Variants in TENM4 observed in about 807,000 individuals in gnomAD.
TENM4 encodes the protein teneurin transmembrane protein 4, also known as teneurin-4.
In TENM4, 82 loss-of-function variants were observed where a neutral mutation model predicts 243.3. The observed-to-expected ratio is 0.34, with a 90% CI of 0.28 to 0.40. The LOEUF (loss-of-function observed/expected upper bound fraction) is 0.40, where lower values mean the gene tolerates loss of function less well. TENM4 is among the 10% of genes least tolerant of loss of function. The probability of loss-of-function intolerance (pLI) is 1.00; values close to 1 mark genes in which losing one functional copy is unlikely to be tolerated. For synonymous variants in TENM4, 1,412 were observed against 1,456.3 expected (o/e 0.97, Z 0.69); for missense variants, 3,138 against 3,673.3 (o/e 0.85, Z 3.77).
At chr11:79,286,778 T>C (rs1301606125) in intron 2 of TENM4, among the ~76,000 whole-genome samples, 1 of 152,242 alleles carries the variant, frequency 6.6e-6, no homozygotes, top group Non-Finnish European at 1.5e-5. Flanking sequence ...TCTAATTTTC[T>C]TTCATCTTCA....
At chr11:79,439,145 G>A (rs1355247704) in intron 1 of TENM4, 1 of 145,274 alleles carries the variant, frequency 6.9e-6, no homozygotes, top group Non-Finnish European at 1.5e-5. Context: ...CCACCCCGGC[G>A]ATTGGAATCC....
chr11:78,749,926 C>A (rs1186223167), intron 19 of TENM4, among the ~76,000 whole-genome samples: 2 of 152,162 alleles, frequency 1.3e-5, no homozygotes, highest in Non-Finnish European at 2.9e-5. Flanking sequence ...CCTCTTTCTC[C>A]CACATGCCCC....
In TENM4 at chr11:79,148,754, A is replaced by C; in HGVS notation, c.-110T>G. Reference sequence around the variant, plus strand: ...AAAGGGTCTAAGAATAGTCCTTCAAATAATCCTTGAAGTATGCAATTTTAA... The same window carrying C: ...AAAGGGTCTAAGAATAGTCCTTCAACTAATCCTTGAAGTATGCAATTTTAA... On this transcript the variant is annotated 5_prime_UTR_variant, in exon 4 of 34. It introduces an in-frame stop codon into an upstream open reading frame of the 5' UTR. Transcript: ENST00000278550. 1.0e-6 allele frequency: 1 copy of C among 983,266 alleles called. No homozygotes were observed. Among genetic ancestry groups the C allele is most frequent in the African/African-American group, 1.7e-5 (1 of 57,216 alleles). The allele number at this position is 983,266 out of a possible 1,614,324, so 60.9% of individuals were successfully genotyped here.
At chr11:79,207,088 G>T (rs1863863631) in intron 3 of TENM4, among the ~76,000 whole-genome samples, 3 of 152,292 alleles carry the variant, frequency 2.0e-5, no homozygotes, top group Middle Eastern at 3.4e-3. Flanking sequence ...GAGACTATCG[G>T]CTGTGGGACA....
At chr11:79,380,421 T>C (rs1037097614) in intron 1 of TENM4, among the ~76,000 whole-genome samples, 2 of 152,142 alleles carry the variant, frequency 1.3e-5, no homozygotes, top group South Asian at 2.1e-4. Context: ...GGTGGTATCA[T>C]GGGAGAATCT....
At chr11:79,416,620 C>A (rs1177888872) in intron 1 of TENM4, among the ~76,000 whole-genome samples, 1 of 152,092 alleles carries the variant, frequency 6.6e-6, no homozygotes, top group Non-Finnish European at 1.5e-5. Context: ...GGTTTACATG[C>A]ACTGTATCAT....
intron 32 of TENM4, among the ~76,000 whole-genome samples, chr11:78,666,888 T>A (rs1005670405): frequency 1.3e-5 from 2 of 152,204 alleles, no homozygotes; most frequent in Admixed American, 6.5e-5. Context: ...GGAGACCATA[T>A]GTATATGGTG....
chr11:79,067,440 C>T, intron 5 of TENM4, among the ~76,000 whole-genome samples: 1 of 152,208 alleles, frequency 6.6e-6, no homozygotes, highest in East Asian at 1.9e-4. Flanking sequence ...TCGGCCGGCC[C>T]TCTCAAAGAG....
chr11:78,868,828 G>T (rs1369661474), intron 9 of TENM4, among the ~76,000 whole-genome samples: 1 of 152,118 alleles, frequency 6.6e-6, no homozygotes, highest in African/African-American at 2.4e-5. Flanking sequence ...AGGAACTGTT[G>T]ATTCAAGTGG....
intron 4 of TENM4, among the ~76,000 whole-genome samples, chr11:79,082,040 C>T (rs999501942): frequency 2.0e-5 from 3 of 152,180 alleles, no homozygotes; most frequent in Admixed American, 2.0e-4. Flanking sequence ...GGATCATTAA[C>T]TTCATTGGTA....
In TENM4 at chr11:78,879,231, C is replaced by T. The variant is rs549913695; in HGVS notation, c.1084+10554G>A. 2.7e-3 allele frequency among the ~76,000 whole-genome samples: 407 copies of T among 148,924 alleles called. 2 individuals are homozygous for T. The highest frequency in any genetic ancestry group is 3.5e-3 in the Middle Eastern group (1 of 282). ...GAAGTGAGAAGCGCCTCTGCCCGGTCGCCCCGTCTGGGAGGTGAGGAGCGC... is the reference window on the plus strand; with the variant it reads ...GAAGTGAGAAGCGCCTCTGCCCGGTTGCCCCGTCTGGGAGGTGAGGAGCGC... On this transcript the variant is annotated intron_variant, in intron 9 of 33. Transcript: ENST00000278550.
chr11:79,054,535 G>C (rs1311630076), intron 6 of TENM4, among the ~76,000 whole-genome samples: 4 of 149,656 alleles, frequency 2.7e-5, no homozygotes, highest in Non-Finnish European at 5.9e-5. Context: ...GTCTTGTTCT[G>C]CTGCCCAGGC....
intron 9 of TENM4, among the ~76,000 whole-genome samples, chr11:78,865,953 G>A (rs1423634462): frequency 6.6e-6 from 1 of 152,224 alleles, no homozygotes; most frequent in Non-Finnish European, 1.5e-5. Flanking sequence ...ACACATGTGT[G>A]ATAACTATAC....
chr11:78,751,751 C>T (rs887893231), intron 19 of TENM4, among the ~76,000 whole-genome samples: 3 of 152,174 alleles, frequency 2.0e-5, no homozygotes, highest in African/African-American at 4.8e-5. Context: ...AGCTCTGGCT[C>T]GAGTGCTTGC....
intron 28 of TENM4, among the ~76,000 whole-genome samples, chr11:78,690,343 C>T (rs1858790500): frequency 6.6e-6 from 1 of 152,152 alleles, no homozygotes; most frequent in Non-Finnish European, 1.5e-5. Context: ...TCTTTTTAAC[C>T]ATTTGTGGCC....
intron 1 of TENM4, chr11:79,402,079 C>G (rs775403619): frequency 5.6e-5 from 24 of 428,444 alleles, no homozygotes; most frequent in Non-Finnish European, 5.1e-6. Context: ...CATTTACCCC[C>G]AGCTAGATTG....
chr11:79,321,664 A>AGG (rs199518954), intron 1 of TENM4, among the ~76,000 whole-genome samples: 14 of 131,580 alleles, frequency 1.1e-4, no homozygotes, highest in South Asian at 2.5e-4. Context: ...AAAAAAAAAA[A>AGG]GGGAGAGAGA....
At chr11:78,672,974 A>T (rs905568472) in intron 30 of TENM4, among the ~76,000 whole-genome samples, 3 of 151,938 alleles carry the variant, frequency 2.0e-5, no homozygotes, top group African/African-American at 7.3e-5. Flanking sequence ...TCAGTACCCA[A>T]GACATATTCT....
Position 78,656,860 on chromosome 11 carries a change from G to C in TENM4, c.*1198C>G, listed in dbSNP as rs955305282. The C allele has an allele frequency of 2.5e-6, 1 of 396,268 alleles. No homozygotes were observed. Among genetic ancestry groups the C allele is most frequent in the African/African-American group, 2.1e-5 (1 of 48,612 alleles). The allele number at this position is 396,268 out of a possible 1,614,324, so 24.5% of individuals were successfully genotyped here. ...TGCGATCAGCTGGTACATGGAGGCA[G>C]ATGGGACTTTGGGAACTGGTTAGAA... On this transcript the variant is annotated 3_prime_UTR_variant, in exon 34 of 34. Coordinates refer to ENST00000278550, the MANE Select transcript of TENM4 (RefSeq NM_001098816.3).
Sources: gnomAD v4.1 joint callset for allele counts (sites outside exome capture counted in the v4.1 genomes callset) on GRCh38, gnomAD v4.1.1 for gene constraint, MANE v1.5 for transcripts, NCBI Gene and HGNC (gene_info 2026-07-23, HGNC 2026-07-21) for gene names.